Variants in GLG1 observed in about 807,000 individuals in gnomAD.
GLG1 encodes golgi glycoprotein 1.
GLG1 carries 38 observed loss-of-function variants against 160.5 expected under a neutral mutation model. The observed-to-expected ratio is 0.24, with a 90% CI of 0.18 to 0.31. GLG1 has a LOEUF of 0.31. Among genes scored for constraint, GLG1 ranks in the 10% least tolerant of loss-of-function variants. The probability of loss-of-function intolerance (pLI) is 1.00; values close to 1 mark genes in which losing one functional copy is unlikely to be tolerated. For missense variants in GLG1, 1,373 were observed against 1,505.2 expected, an observed-to-expected ratio of 0.91 and a Z score of 1.45; for synonymous variants, 644 against 543.4, an observed-to-expected ratio of 1.19 and a Z score of -2.57.
chr16:74,505,541 G>C (rs539127106), intron 3 of GLG1, among the ~76,000 whole-genome samples: 1 of 152,210 alleles, frequency 6.6e-6, no homozygotes, highest in Admixed American at 6.5e-5. Flanking sequence ...CCAACATGGC[G>C]AAACCCCATC....
chr16:74,565,466 TAGAAG>T (rs1188054292), intron 1 of GLG1, among the ~76,000 whole-genome samples: 2 of 152,204 alleles, frequency 1.3e-5, no homozygotes, highest in African/African-American at 4.8e-5. Flanking sequence ...GTAACCTGAC[TAGAAG>T]AGAAAACAAA....
intron 8 of GLG1, among the ~76,000 whole-genome samples, chr16:74,486,569 T>C (rs1157065143): frequency 6.6e-6 from 1 of 152,222 alleles, no homozygotes; most frequent in Non-Finnish European, 1.5e-5. Context: ...AATGAGACTA[T>C]ATTCTTTATC....
intron 1 of GLG1, among the ~76,000 whole-genome samples, chr16:74,590,494 G>T (rs1567544062): frequency 6.6e-6 from 1 of 151,166 alleles, no homozygotes; most frequent in Non-Finnish European, 1.5e-5. Context: ...AGTGGCGGGC[G>T]CCTGTAGTCC....
At chr16:74,469,867 G>A (rs2015133704) in intron 16 of GLG1, 118 bp downstream of exon 16, 2 of 717,762 alleles carry the variant, frequency 2.8e-6, no homozygotes, top group Middle Eastern at 2.4e-4. Flanking sequence ...AGAGATGCGG[G>A]AGGCCTCCAG....
intron 1 of GLG1, among the ~76,000 whole-genome samples, chr16:74,542,733 GGGAGGA>G (rs2017916410): frequency 1.9e-5 from 2 of 106,910 alleles, no homozygotes; most frequent in African/African-American, 6.9e-5. Context: ...AAGGAAGGAA[GGGAGGA>G]AGGAAGGAAG....
chr16:74,560,710 G>A (rs1486976370), intron 1 of GLG1, among the ~76,000 whole-genome samples: 1 of 152,086 alleles, frequency 6.6e-6, no homozygotes, highest in Non-Finnish European at 1.5e-5. Context: ...AGCTGGGCAT[G>A]GTGGCTTAGG....
chr16:74,494,668 G>C, intron 6 of GLG1, 92 bp downstream of exon 6: 1 of 603,342 alleles, frequency 1.7e-6, no homozygotes, highest in East Asian at 3.4e-5. Flanking sequence ...GCCTCCCAAA[G>C]TGCTGGGATT....
At chr16:74,572,560 C>T (rs1033709579) in intron 1 of GLG1, among the ~76,000 whole-genome samples, 1 of 150,940 alleles carries the variant, frequency 6.6e-6, no homozygotes, top group Non-Finnish European at 1.5e-5. Flanking sequence ...CCCCAAAGGA[C>T]TGGGTTCTGA....
At chr16:74,514,854 T>C (rs2016928496) in intron 2 of GLG1, among the ~76,000 whole-genome samples, 1 of 151,970 alleles carries the variant, frequency 6.6e-6, no homozygotes, top group Non-Finnish European at 1.5e-5. Context: ...GCAAACTGCA[T>C]AGAGTCAAGA....
Position 74,462,594 on chromosome 16 carries a change from T to C in GLG1, c.2828A>G (p.Lys943Arg). The C allele has an allele frequency of 3.1e-6, 5 of 1,614,036 alleles. No individual in the cohort carries two copies. Among genetic ancestry groups the C allele is most frequent in the Non-Finnish European group, 4.2e-6 (5 of 1,179,912 alleles). ...RLNPMLRKAC[K>R]ADIPKFCHGI... Reference sequence around the variant, plus strand: ...GTGACAGAATTTAGGAATGTCAGCTTTACAGGCTTTTCTTAACATGGGGTT... The same window carrying C: ...GTGACAGAATTTAGGAATGTCAGCTCTACAGGCTTTTCTTAACATGGGGTT... Residue 943 changes from lysine (K) to arginine (R), a missense_variant, in exon 21 of 26, where the codon AAA (lysine) becomes AGA (arginine). Physicochemically the swap from Lys to Arg is conservative, Grantham distance 26. This residue lies in a region of GLG1 where 491 missense variants were observed against 632.1 expected (regional missense o/e 0.78). Transcript: ENST00000422840.
Position 74,464,926 on chromosome 16 carries a change from T to A in GLG1, c.2667+750A>T, listed in dbSNP as rs189213324. 1.8e-3 allele frequency among the ~76,000 whole-genome samples: 271 copies of A among 152,310 alleles called. 2 individuals are homozygous for A. The South Asian group carries it at 0.025, about 14-fold the overall frequency. On this transcript the variant is annotated intron_variant, in intron 19 of 25. Transcript: ENST00000422840. ...GGCATGACCTTGGCTCACTGCAGCC[T>A]GCGCCTCCCAGGAGCGATTCTCTTG...
At chr16:74,548,753 T>C (rs2018117540) in intron 1 of GLG1, among the ~76,000 whole-genome samples, 1 of 152,172 alleles carries the variant, frequency 6.6e-6, no homozygotes, top group Non-Finnish European at 1.5e-5. Flanking sequence ...CCCAGCACTT[T>C]GTGAGGCTGA....
rs2017818147 is a variant in GLG1 at position 74,540,114 on chromosome 16, A to AT, written c.439-7962dup. 7.4e-3 allele frequency among the ~76,000 whole-genome samples: 8 copies of AT among 1,086 alleles called. 3 individuals carry two copies. The highest frequency in any genetic ancestry group is 7.9e-3 in the African/African-American group (8 of 1,014). 0.7% of individuals were successfully genotyped at this position (1,086 alleles called of 152,430 possible). A position where few individuals can be genotyped will look rare whatever the true frequency, so the allele number is the denominator to read the frequency against. On this transcript the variant is annotated intron_variant, in intron 1 of 25. Coordinates refer to ENST00000422840, the MANE Select transcript of GLG1 (RefSeq NM_001145667.2). Reference sequence around the variant, plus strand: ...TATATTATATATATTTTATATATATATATTATATATATTTTATATATATAA... The same window carrying AT: ...TATATTATATATATTTTATATATATATTATTATATATATTTTATATATATAA...
At chr16:74,555,731 T>C (rs2018333358) in intron 1 of GLG1, among the ~76,000 whole-genome samples, 1 of 151,802 alleles carries the variant, frequency 6.6e-6, no homozygotes, top group South Asian at 2.1e-4. Context: ...AGAAACATGC[T>C]GGGTTTCAGG....
At chr16:74,525,286 A>T (rs2143575504) in intron 2 of GLG1, among the ~76,000 whole-genome samples, 1 of 152,280 alleles carries the variant, frequency 6.6e-6, no homozygotes, top group South Asian at 2.1e-4. Context: ...TCACACCAAC[A>T]TTTGTTAATT....
chr16:74,467,836 G>A lies in GLG1; in HGVS notation c.2449C>T (p.Arg817Cys), dbSNP rs2015054730. Residue 817 changes from arginine to cysteine, a missense_variant, in exon 18 of 26, where the codon CGC becomes TGC. Arg to Cys is a radical substitution (Grantham distance 180). Coordinates refer to ENST00000422840, the MANE Select transcript of GLG1 (RefSeq NM_001145667.2). ...VEELEMTEDI[R>C]LEPDLYEACK... Reference sequence around the variant, plus strand: ...GCTTCGTATAGATCTGGCTCCAAGCGGATGTCCTCCGTCTGCATGAGGGAG... The same window carrying A: ...GCTTCGTATAGATCTGGCTCCAAGCAGATGTCCTCCGTCTGCATGAGGGAG... 1.9e-6 allele frequency: 3 copies of A among 1,611,434 alleles called. No homozygotes were observed. The highest frequency in any genetic ancestry group is 2.5e-6 in the Non-Finnish European group (3 of 1,177,900).
At chr16:74,486,538 A>T (rs1418403753) in intron 8 of GLG1, among the ~76,000 whole-genome samples, 1 of 152,246 alleles carries the variant, frequency 6.6e-6, no homozygotes, top group Non-Finnish European at 1.5e-5. Context: ...ATAGAAAAAT[A>T]CTTGTCATTA....
chr16:74,531,601 A>G (rs2017536255), intron 2 of GLG1, among the ~76,000 whole-genome samples: 1 of 152,186 alleles, frequency 6.6e-6, no homozygotes, highest in Admixed American at 6.5e-5. Flanking sequence ...AGGTGGGATT[A>G]CAGGTGTGAA....
In GLG1 at chr16:74,540,114, A is replaced by T. The variant is rs1248724814; in HGVS notation, c.439-7961T>A. ...TATATTATATATATTTTATATATAT[A>T]TATTATATATATTTTATATATATAA... On this transcript the variant is annotated intron_variant, in intron 1 of 25. Coordinates refer to ENST00000422840, the MANE Select transcript of GLG1 (RefSeq NM_001145667.2). 7.4e-3 allele frequency among the ~76,000 whole-genome samples: 8 copies of T among 1,086 alleles called. 4 individuals carry two copies. In the East Asian group the frequency reaches 1, roughly 136 times the overall value. 0.7% of individuals were successfully genotyped at this position (1,086 alleles called of 152,430 possible).
Sources: gnomAD v4.1 joint callset for allele counts (sites outside exome capture counted in the v4.1 genomes callset) on GRCh38, gnomAD v4.1.1 for gene constraint, gnomAD v4.1.1 regional missense constraint, MANE v1.5 for transcripts, NCBI Gene and HGNC (gene_info 2026-07-23, HGNC 2026-07-21) for gene names.